The following SECISBP2L variants were observed in gnomAD, a reference collection of about 807,000 sequenced individuals.
The protein encoded by SECISBP2L is selenocysteine insertion sequence-binding protein 2-like.
In SECISBP2L, 43 loss-of-function variants were observed where a neutral mutation model predicts 114.7. That is an observed-to-expected ratio of 0.38 (90% confidence interval 0.29 to 0.48). The LOEUF is 0.48. Ranked by LOEUF, SECISBP2L falls within the 20% of genes least tolerant of loss-of-function variation. SECISBP2L has a pLI of 0.98. For missense variants in SECISBP2L, 1,136 were observed against 1,301.1 expected, an observed-to-expected ratio of 0.87 and a Z score of 1.95; for synonymous variants, 451 against 439.7, an observed-to-expected ratio of 1.03 and a Z score of -0.32.
chr15:48,993,184 A>G (rs901836358), intron 17 of SECISBP2L, among the ~76,000 whole-genome samples: 2 of 151,338 alleles, frequency 1.3e-5, no homozygotes, highest in African/African-American at 4.9e-5. Flanking sequence ...ATGCAGCAAC[A>G]TGATCTTGGC....
intron 16 of SECISBP2L, 45 bp from the exon 17 acceptor site, chr15:48,996,631 T>G (rs779970585): frequency 6.6e-7 from 1 of 1,508,060 alleles, no homozygotes; most frequent in Non-Finnish European, 9.2e-7. Flanking sequence ...TTTGTTACAC[T>G]TTTTATTCCT....
intron 2 of SECISBP2L, 112 bp downstream of exon 2, chr15:49,037,479 C>T (rs1242001948): frequency 2.2e-6 from 2 of 917,892 alleles, no homozygotes; most frequent in Middle Eastern, 3.3e-4. Flanking sequence ...ATTTACTCCT[C>T]TTAATAGAGA....
At chr15:48,995,857 T>C (rs1902074395) in intron 17 of SECISBP2L, 1 of 154,856 alleles carries the variant, frequency 6.5e-6, no homozygotes, top group Non-Finnish European at 1.4e-5. Context: ...TTCACGTCTG[T>C]AGTTTACTTA....
chr15:49,031,260 G>A (rs2141081775), intron 4 of SECISBP2L, among the ~76,000 whole-genome samples: 1 of 151,454 alleles, frequency 6.6e-6, no homozygotes, highest in East Asian at 1.9e-4. Context: ...TACTGGCCAG[G>A]GTAGTCTCGA....
Position 49,011,863 on chromosome 15 carries a change from C to G in SECISBP2L, c.1732G>C (p.Val578Leu). The G allele has an allele frequency of 6.2e-7, 1 of 1,613,776 alleles. No individual in the cohort carries two copies. Among genetic ancestry groups the G allele is most frequent in the South Asian group, 1.1e-5 (1 of 91,060 alleles). Residue 578 changes from valine (V) to leucine (L), a missense_variant and splice_region_variant, in exon 13 of 18, where the codon GTT (valine) becomes CTT (leucine). Coordinates refer to ENST00000559471, the MANE Select transcript of SECISBP2L (RefSeq NM_001193489.2). ...KLKRPTALKK[V>L]ILKEREEKKG... ...TTTTCCTCTCTTTCTTTTAAAATAA[C>G]CTAAAAGTCATTACACTAGTCTTTA...
At chr15:49,028,241 T>C (rs1902794713) in intron 5 of SECISBP2L, 73 bp from the exon 6 acceptor site, 1 of 1,324,066 alleles carries the variant, frequency 7.6e-7, no homozygotes, top group Admixed American at 2.6e-5. Context: ...AAATGTTTTA[T>C]AATTTATCCT....
chr15:49,019,005 C>T (rs959261325), intron 8 of SECISBP2L, among the ~76,000 whole-genome samples: 3 of 152,128 alleles, frequency 2.0e-5, no homozygotes, highest in Admixed American at 2.0e-4. Flanking sequence ...GAAAGTAAAA[C>T]ATTTTTCTTC....
intron 17 of SECISBP2L, among the ~76,000 whole-genome samples, chr15:48,994,853 A>AC (rs539020284): frequency 3.7e-4 from 57 of 152,122 alleles, no homozygotes; most frequent in African/African-American, 1.1e-3. Context: ...AAAAAAAAAA[A>AC]AAAAAACAGT....
In SECISBP2L at chr15:49,035,544, A is replaced by G; in HGVS notation, c.318T>C (p.Tyr106=). Residue 106 remains tyrosine, a synonymous_variant, in exon 3 of 18, where the codon TAT becomes TAC. Transcript: ENST00000559471. ...GTGCTGGCATCAGCTGATAATATGT[A>G]TACTCTGTAGAAACAGGCGGCTGAG... is the stretch of plus-strand genomic sequence containing the variant. ...ISAQPPVSTE[Y]TYYQLMPAPC... is the part of the protein sequence containing the mutation. The G allele has an allele frequency of 1.2e-6, 2 of 1,614,236 alleles. No homozygotes were observed. The highest frequency in any genetic ancestry group is 1.7e-6 in the Non-Finnish European group (2 of 1,180,038).
chr15:49,011,615 T>C, intron 13 of SECISBP2L, 116 bp downstream of exon 13: 1 of 1,203,950 alleles, frequency 8.3e-7, no homozygotes, highest in Non-Finnish European at 1.2e-6. Flanking sequence ...TAAAGAGATT[T>C]ATGTAAAATA....
intron 6 of SECISBP2L, 127 bp from the exon 7 acceptor site, chr15:49,027,607 A>AT (rs561310621): frequency 0.07 from 22,856 of 324,892 alleles, 139 homozygotes; most frequent in South Asian, 0.098. Flanking sequence ...TATAAACCTT[A>AT]TTATTTTTTT....
At chr15:48,998,343 G>A (rs1902137740) in intron 16 of SECISBP2L, among the ~76,000 whole-genome samples, 1 of 152,120 alleles carries the variant, frequency 6.6e-6, no homozygotes, top group Non-Finnish European at 1.5e-5. Flanking sequence ...TATTAGTAGT[G>A]TAAAAAATAT....
intron 1 of SECISBP2L, among the ~76,000 whole-genome samples, chr15:49,044,787 C>T (rs1358907675): frequency 6.6e-6 from 1 of 152,126 alleles, no homozygotes; most frequent in African/African-American, 2.4e-5. Flanking sequence ...AACAGCTATG[C>T]TAAAAATTAC....
intron 1 of SECISBP2L, 35 bp downstream of exon 1, chr15:49,046,241 C>T: frequency 6.4e-7 from 1 of 1,572,678 alleles, no homozygotes; most frequent in Non-Finnish European, 8.6e-7. Flanking sequence ...CGACCCCAAC[C>T]CCCGGCTCGG....
At position 49,012,831 on chromosome 15, in the gene SECISBP2L, G is replaced by A. The variant is rs372553702; in HGVS notation, c.1562-14C>T. On this transcript the variant is annotated splice_polypyrimidine_tract_variant and intron_variant, in intron 11 of 17. Transcript: ENST00000559471. ...CTGCAGTAACCACTAAAAACAAAGA[G>A]GAACATTAGTTTCACCATTAGGGCC... The A allele has an allele frequency of 3.1e-4, 499 of 1,597,880 alleles. 1 individual carries two copies. The highest frequency in any genetic ancestry group is 4.2e-4 in the Non-Finnish European group (494 of 1,175,670).
At position 49,046,387 on chromosome 15, in the gene SECISBP2L, C is replaced by T; in HGVS notation, c.-88G>A. The stretch of plus-strand genomic sequence containing the variant: ...CCATGGCCCCCCGCTCGGGTCCAGA[C>T]TGGGTTCCGGACCTCCGCCCCTATC... On this transcript the variant is annotated 5_prime_UTR_variant, in exon 1 of 18. Coordinates refer to ENST00000559471, the MANE Select transcript of SECISBP2L (RefSeq NM_001193489.2). 1 of 1,345,146 alleles carries T rather than the reference C, an allele frequency of 7.4e-7. No individual in the cohort carries two copies. The highest frequency in any genetic ancestry group is 9.7e-7 in the Non-Finnish European group (1 of 1,028,640). 83.3% of individuals were successfully genotyped at this position (1,345,146 alleles called of 1,614,324 possible). A position where few individuals can be genotyped will look rare whatever the true frequency, so the allele number is the denominator to read the frequency against.
In SECISBP2L at chr15:49,035,516, A is replaced by G; in HGVS notation, c.346T>C (p.Cys116Arg). Residue 116 changes from cysteine to arginine, a missense_variant, in exon 3 of 18, where the codon TGT becomes CGT. Transcript: ENST00000559471. ...TGATAGAAACCCATAACCTGGGCACATGGTGCTGGCATCAGCTGATAATAT... is the reference window on the plus strand; with the variant it reads ...TGATAGAAACCCATAACCTGGGCACGTGGTGCTGGCATCAGCTGATAATAT... ...YTYYQLMPAP[C>R]AQVMGFYHPF... 1.2e-6 allele frequency: 2 copies of G among 1,614,210 alleles called. No individual in the cohort carries two copies. Among genetic ancestry groups the G allele is most frequent in the South Asian group, 1.1e-5 (1 of 91,080 alleles).
chr15:49,018,103 G>A (rs35212550), intron 8 of SECISBP2L, among the ~76,000 whole-genome samples: 111,398 of 151,612 alleles, frequency 0.73, 41,304 homozygotes, highest in Middle Eastern at 0.78. Context: ...TATATCTAAT[G>A]TCTTTAAATA....
At position 49,023,802 on chromosome 15, in the gene SECISBP2L, TAAAG is replaced by T. The variant is rs563474865; in HGVS notation, c.1035+3559_1035+3562del. ...AACAGAGTAGATATGCTCTTTTATG[TAAAG>T]AAAGAACAAAAATAAGATATATACT... On this transcript the variant is annotated intron_variant, in intron 7 of 17. Transcript: ENST00000559471. Among the ~76,000 whole-genome samples the T allele has an allele frequency of 2.4e-3, 371 of 152,248 alleles. 3 individuals carry two copies. Among genetic ancestry groups the T allele is most frequent in the South Asian group, 3.5e-3 (17 of 4,826 alleles).
Sources: gnomAD v4.1 joint callset for allele counts (sites outside exome capture counted in the v4.1 genomes callset) on GRCh38, gnomAD v4.1.1 for gene constraint, MANE v1.5 for transcripts, NCBI Gene and HGNC (gene_info 2026-07-23, HGNC 2026-07-21) for gene names.